Variants in KANSL1 observed in about 807,000 individuals in gnomAD.
KANSL1 encodes MLL1/MLL complex subunit KANSL1.
In KANSL1, 22 loss-of-function variants were observed where a neutral mutation model predicts 103.6. That is an observed-to-expected ratio of 0.21 (90% CI 0.15 to 0.30). The LOEUF is 0.30. KANSL1 is among the 10% of genes least tolerant of loss of function. KANSL1 has a pLI of 1.00. For synonymous variants in KANSL1, 600 were observed against 527.6 expected, an observed-to-expected ratio of 1.14 and a Z score of -1.88; for missense variants, 1,337 against 1,399.8, an observed-to-expected ratio of 0.96 and a Z score of 0.72.
chr17:46,196,779 T>TTA (rs1226994813), upstream of KANSL1: 4 of 228,754 alleles, frequency 1.7e-5, no homozygotes, highest in African/African-American at 9.4e-5. Flanking sequence ...TTACAGTATT[T>TTA]TATATAACTA....
intron 2 of KANSL1, among the ~76,000 whole-genome samples, chr17:46,152,591 G>GT: frequency 7.1e-6 from 1 of 141,802 alleles, no homozygotes; most frequent in Non-Finnish European, 1.5e-5. Flanking sequence ...AAGGGGGGGG[G>GT]GGGATTTCAG....
chr17:46,147,224 G>A (rs1429516378), intron 2 of KANSL1, among the ~76,000 whole-genome samples: 25 of 152,252 alleles, frequency 1.6e-4, no homozygotes, highest in Admixed American at 1.6e-3. Flanking sequence ...ACCAATATAT[G>A]TATTTCGTAT....
chr17:46,140,543 A>G (rs1294405653), intron 2 of KANSL1, among the ~76,000 whole-genome samples: 1 of 152,186 alleles, frequency 6.6e-6, no homozygotes, highest in Non-Finnish European at 1.5e-5. Flanking sequence ...AAAAAAACAT[A>G]AATTGGACTA....
chr17:46,190,565 C>T (rs2047267217), intron 1 of KANSL1, among the ~76,000 whole-genome samples: 1 of 152,224 alleles, frequency 6.6e-6, no homozygotes, highest in South Asian at 2.1e-4. Flanking sequence ...CTTAACTGAT[C>T]ATTCTTTTAA....
chr17:46,132,017 C>T (rs973234772), intron 2 of KANSL1, among the ~76,000 whole-genome samples: 3 of 150,488 alleles, frequency 2.0e-5, no homozygotes, highest in African/African-American at 7.5e-5. Flanking sequence ...ATCCCAACTA[C>T]TCGGGAGGCT....
At position 46,033,435 on chromosome 17, in the gene KANSL1, G is replaced by A; in HGVS notation, c.2692C>T (p.Leu898=). 6.2e-7 allele frequency: 1 copy of A among 1,614,156 alleles called. No individual in the cohort carries two copies. Among genetic ancestry groups the A allele is most frequent in the Non-Finnish European group, 8.5e-7 (1 of 1,180,022 alleles). The part of the protein sequence containing the change: ...PSWREVDLQS[L]KGSPDEENEE... Reference sequence around the variant, plus strand: ...TTCTCCTCATCAGGACTCCCCTTCAGAGACTGAAGATCAACCTCCCGCCAG... The same window carrying A: ...TTCTCCTCATCAGGACTCCCCTTCAAAGACTGAAGATCAACCTCCCGCCAG... Residue 898 remains leucine, a synonymous_variant, in exon 12 of 15, where the codon CTG becomes TTG. Transcript: ENST00000432791.
intron 4 of KANSL1, 32 bp from the exon 5 acceptor site, chr17:46,067,699 ATGTACCCAAGCGCACC>A: frequency 8.4e-7 from 1 of 1,197,154 alleles, no homozygotes; most frequent in Non-Finnish European, 1.2e-6. Flanking sequence ...AGAAATTAAC[ATGTACCCAAGCGCACC>A]CCTGCCTGAA....
intron 6 of KANSL1, among the ~76,000 whole-genome samples, chr17:46,064,200 C>G (rs753790829): frequency 6.6e-6 from 1 of 151,988 alleles, no homozygotes; most frequent in Non-Finnish European, 1.5e-5. Context: ...TATCGCCTGA[C>G]AGTCAATTCT....
In KANSL1 at chr17:46,171,235, C is replaced by T. The variant is rs1486906392; in HGVS notation, c.909G>A (p.Lys303=). ...GCTTGGCTTGCACAACCTGTAAGCG[C>T]TTTTGTAATCTGCGGGCACGGCTCT... The part of the protein sequence containing the change: ...DIESRARRLQ[K]RLQVVQAKQV... Residue 303 remains lysine (K), a synonymous_variant, in exon 2 of 15, where the codon AAG becomes AAA. Transcript: ENST00000432791. 1.2e-6 allele frequency: 2 copies of T among 1,614,092 alleles called. No individual in the cohort carries two copies. The highest frequency in any genetic ancestry group is 1.3e-5 in the African/African-American group (1 of 74,984).
chr17:46,117,613 GTCTA>G (rs1217791795), intron 2 of KANSL1, among the ~76,000 whole-genome samples: 1 of 151,602 alleles, frequency 6.6e-6, no homozygotes, highest in Non-Finnish European at 1.5e-5. Context: ...TTTTCAGAGA[GTCTA>G]TCTAATTCCA....
At chr17:46,052,944 A>AC in intron 6 of KANSL1, among the ~76,000 whole-genome samples, 1 of 129,456 alleles carries the variant, frequency 7.7e-6, no homozygotes, top group East Asian at 2.3e-4. Context: ...AGCCTGGGAA[A>AC]AAGAGTAAGA....
chr17:46,206,211 T>C (rs1177858568), intron 1 of KANSL1, among the ~76,000 whole-genome samples: 1 of 151,506 alleles, frequency 6.6e-6, no homozygotes, highest in Non-Finnish European at 1.5e-5. Context: ...GATCCCAGCA[T>C]ACCCAAAAGA....
chr17:46,119,128 TACA>T (rs1376389701), intron 2 of KANSL1, among the ~76,000 whole-genome samples: 3 of 152,342 alleles, frequency 2.0e-5, no homozygotes, highest in African/African-American at 7.2e-5. Flanking sequence ...GGCATTGTGC[TACA>T]ACATTACATG....
rs150800846 is a variant in KANSL1, at chr17:46,066,555, G to T, written c.1830C>A (p.Ile610=). 3.1e-6 allele frequency: 5 copies of T among 1,612,406 alleles called. No homozygotes were observed. In the Admixed American group the frequency reaches 8.3e-5, roughly 27 times the overall value. The stretch of plus-strand genomic sequence containing the variant: ...TACCGACCTTCTTGGAAAGAGGAAC[G>T]ATGCTGTTGGGTCGAACAAGCCTCC... The part of the protein sequence containing the change: ...KKRRLVRPNS[I]VPLSKKVHRN... The change falls in exon 6 of 15, where the codon ATC becomes ATA. Residue 610 remains isoleucine, a synonymous_variant. Coordinates refer to ENST00000432791, the MANE Select transcript of KANSL1 (RefSeq NM_015443.4).
intron 2 of KANSL1, among the ~76,000 whole-genome samples, chr17:46,103,535 T>C (rs1356850595): frequency 6.6e-6 from 1 of 152,244 alleles, no homozygotes; most frequent in Non-Finnish European, 1.5e-5. Flanking sequence ...TGTCTCAGTT[T>C]TCTCCAAATC....
intron 2 of KANSL1, among the ~76,000 whole-genome samples, chr17:46,104,713 CAAA>C (rs1198753808): frequency 6.6e-6 from 1 of 152,064 alleles, no homozygotes; most frequent in East Asian, 1.9e-4. Flanking sequence ...AATGGCATGA[CAAA>C]GAAGTATGGA....
chr17:46,053,267 G>A (rs932622862), intron 6 of KANSL1, among the ~76,000 whole-genome samples: 3 of 151,482 alleles, frequency 2.0e-5, no homozygotes, highest in Admixed American at 6.6e-5. Flanking sequence ...TGGGGAACAA[G>A]AGCAAAACTC....
intron 2 of KANSL1, among the ~76,000 whole-genome samples, chr17:46,116,767 C>G (rs953059516): frequency 4.6e-5 from 7 of 152,180 alleles, no homozygotes; most frequent in Admixed American, 3.9e-4. Context: ...TTTTCCAATA[C>G]AGCTCAAGAA....
chr17:46,155,771 T>G (rs1158587380), intron 2 of KANSL1, among the ~76,000 whole-genome samples: 1 of 152,070 alleles, frequency 6.6e-6, no homozygotes, highest in Non-Finnish European at 1.5e-5. Flanking sequence ...AAAAAACTAT[T>G]TAAAAGATAT....
Sources: allele counts gnomAD v4.1 joint callset (sites outside exome capture counted in the v4.1 genomes callset), GRCh38; gene constraint gnomAD v4.1.1; transcripts MANE v1.5; gene names NCBI Gene and HGNC (gene_info 2026-07-23, HGNC 2026-07-21).